Variants in ECT2L observed in about 807,000 individuals in gnomAD.
The protein encoded by ECT2L is epithelial cell-transforming sequence 2 oncogene-like.
ECT2L carries 126 observed loss-of-function variants against 122.8 expected under a neutral mutation model. The ratio of observed to expected loss-of-function variants is 1.03; its 90% CI spans 0.89 to 1.19. The LOEUF is 1.19. Ranked by LOEUF, ECT2L falls within the 50% of genes most tolerant of loss-of-function variation. ECT2L has a pLI of 0.00. For synonymous variants in ECT2L, 385 were observed against 381.8 expected (o/e 1.01, Z -0.10); for missense variants, 1,012 against 1,064.1 (o/e 0.95, Z 0.68).
chr6:138,857,249 TCAC>T (rs1178433887), intron 10 of ECT2L, among the ~76,000 whole-genome samples: 4 of 152,170 alleles, frequency 2.6e-5, no homozygotes, highest in African/African-American at 9.7e-5. Context: ...AAGCTTTCCC[TCAC>T]CACTTTTTAA....
chr6:138,884,268 T>C (rs1041553952), intron 16 of ECT2L, among the ~76,000 whole-genome samples: 2 of 152,200 alleles, frequency 1.3e-5, no homozygotes, highest in African/African-American at 4.8e-5. Flanking sequence ...TAAGTTAGCA[T>C]TGCTGACATC....
chr6:138,850,994 C>CAAAA (rs34453938), intron 9 of ECT2L, among the ~76,000 whole-genome samples: 57 of 57,766 alleles, frequency 9.9e-4, no homozygotes, highest in African/African-American at 2.2e-3. Context: ...AACTCCATCT[C>CAAAA]AAAAAAAAAA....
intron 20 of ECT2L, 25 bp from the exon 21 acceptor site, chr6:138,900,923 C>T (rs769616990): frequency 2.5e-6 from 4 of 1,607,266 alleles, no homozygotes; most frequent in Non-Finnish European, 3.4e-6. Flanking sequence ...TGTATTAAAA[C>T]TGTACCTTCT....
At chr6:138,895,035 G>GA (rs1184833730) in intron 20 of ECT2L, among the ~76,000 whole-genome samples, 3 of 152,058 alleles carry the variant, frequency 2.0e-5, no homozygotes, top group Non-Finnish European at 4.4e-5. Flanking sequence ...GAGGTGGGAG[G>GA]ATCACTTGAG....
intron 13 of ECT2L, among the ~76,000 whole-genome samples, chr6:138,873,872 C>CTA (rs772751027): frequency 2.8e-5 from 2 of 71,370 alleles, no homozygotes; most frequent in African/African-American, 1.5e-4. Flanking sequence ...AAATCCAGGA[C>CTA]TGTGTGTGTG....
Position 138,816,119 on chromosome 6 carries a change from C to T in ECT2L, c.179+1516C>T, listed in dbSNP as rs150431834. ...GTCATTGGCTATGTTTCTTTTTACTCCAACTTTGCAGCTTTCAAGATAAGA... is the reference window on the plus strand; with the variant it reads ...GTCATTGGCTATGTTTCTTTTTACTTCAACTTTGCAGCTTTCAAGATAAGA... On this transcript the variant is annotated intron_variant, in intron 4 of 21. Transcript: ENST00000541398. Among the ~76,000 whole-genome samples the T allele has an allele frequency of 2.1e-4, 32 of 152,298 alleles. No individual in the cohort carries two copies. In the East Asian group the frequency reaches 6.0e-3, roughly 28 times the overall value.
chr6:138,840,042 C>T (rs904451259), intron 5 of ECT2L, among the ~76,000 whole-genome samples: 1 of 152,118 alleles, frequency 6.6e-6, no homozygotes, highest in African/African-American at 2.4e-5. Flanking sequence ...TCGATTAACA[C>T]ACATTTTATA....
intron 4 of ECT2L, among the ~76,000 whole-genome samples, chr6:138,817,163 T>A (rs1301829454): frequency 6.6e-6 from 1 of 152,242 alleles, no homozygotes; most frequent in Non-Finnish European, 1.5e-5. Flanking sequence ...TATCCCATTG[T>A]ATGGATGTGC....
chr6:138,829,680 G>T (rs567116928), intron 4 of ECT2L, among the ~76,000 whole-genome samples: 1 of 152,064 alleles, frequency 6.6e-6, no homozygotes, highest in South Asian at 2.1e-4. Flanking sequence ...CTTAAGGTAT[G>T]CCACATTTAG....
intron 4 of ECT2L, among the ~76,000 whole-genome samples, chr6:138,819,122 C>T (rs1290628936): frequency 6.6e-6 from 1 of 151,842 alleles, no homozygotes; most frequent in Non-Finnish European, 1.5e-5. Context: ...TCCCCTTTGC[C>T]CAGTATTCTG....
rs1779440851 is a variant in ECT2L at position 138,902,577 on chromosome 6, C to G, written c.2665C>G (p.Leu889Val). Reference protein sequence around the residue: ...CATEIEDDKFLWLSVLRNAIK... With the variant: ...CATEIEDDKFVWLSVLRNAIK... The stretch of plus-strand genomic sequence containing the variant: ...TACAGAAATAGAGGATGATAAGTTC[C>G]TATGGCTGTCAGTACTTCGAAATGC... The change falls in exon 22 of 22, where the codon CTA (leucine) becomes GTA (valine). Residue 889 changes from leucine to valine, a missense_variant. Coordinates refer to ENST00000541398, the MANE Select transcript of ECT2L (RefSeq NM_001077706.3). 6.2e-7 allele frequency: 1 copy of G among 1,613,930 alleles called. No individual in the cohort carries two copies. Among genetic ancestry groups the G allele is most frequent in the Non-Finnish European group, 8.5e-7 (1 of 1,179,912 alleles).
In ECT2L at chr6:138,881,023, G is replaced by A. The variant is rs371124566; in HGVS notation, c.1732G>A (p.Glu578Lys). Residue 578 changes from glutamate to lysine, a missense_variant, in exon 15 of 22, where the codon GAG becomes AAG. Transcript: ENST00000541398. ...AGTTGTCAGAGAACTCTTACAGAGT[G>A]AGAGAAAATACGTGCAGATACTGGA... ...ARVVRELLQS[E>K]RKYVQILEIV... 14 of 1,614,030 alleles carry A rather than the reference G, an allele frequency of 8.7e-6. No homozygotes were observed. In the African/African-American group the frequency reaches 1.3e-4, roughly 15 times the overall value.
chr6:138,807,367 C>T (rs1331090722), intron 1 of ECT2L, among the ~76,000 whole-genome samples: 2 of 152,182 alleles, frequency 1.3e-5, no homozygotes, highest in Non-Finnish European at 2.9e-5. Context: ...AGGAGCCAAT[C>T]AGCACTTTCT....
chr6:138,799,743 G>C (rs1475559580), intron 1 of ECT2L, among the ~76,000 whole-genome samples: 2 of 152,152 alleles, frequency 1.3e-5, no homozygotes, highest in Non-Finnish European at 2.9e-5. Flanking sequence ...TACAGATGGG[G>C]CTTTGCCATA....
intron 4 of ECT2L, among the ~76,000 whole-genome samples, chr6:138,824,558 T>TAAAA (rs748380178): frequency 1.5e-5 from 2 of 131,760 alleles, no homozygotes; most frequent in African/African-American, 5.6e-5. Flanking sequence ...AAAAAAACTA[T>TAAAA]AAAAAAAAAC....
At chr6:138,846,434 G>C (rs374610067) in intron 7 of ECT2L, 105 bp from the exon 8 acceptor site, 4 of 1,095,844 alleles carry the variant, frequency 3.7e-6, no homozygotes, top group Non-Finnish European at 5.0e-6. Flanking sequence ...TGGAGGCCAC[G>C]TGCCTTGTAG....
intron 21 of ECT2L, 113 bp from the exon 22 acceptor site, chr6:138,902,384 TTTC>T (rs1416778120): frequency 2.2e-5 from 20 of 908,032 alleles, no homozygotes; most frequent in African/African-American, 1.7e-5. Flanking sequence ...TGAATATGTA[TTTC>T]TTTTTAGGTT....
chr6:138,884,646 A>T (rs781006577), intron 16 of ECT2L, among the ~76,000 whole-genome samples: 20 of 152,096 alleles, frequency 1.3e-4, no homozygotes, highest in South Asian at 4.1e-4. Context: ...TCAAAAAAAC[A>T]AAAAACAAAA....
chr6:138,863,438 A>G (rs1777909194), intron 11 of ECT2L, among the ~76,000 whole-genome samples: 1 of 152,220 alleles, frequency 6.6e-6, no homozygotes, highest in Non-Finnish European at 1.5e-5. Context: ...CTTTGTAGAT[A>G]TAACAAAAGT....
Sources: gnomAD v4.1 joint callset for allele counts (sites outside exome capture counted in the v4.1 genomes callset) on GRCh38, gnomAD v4.1.1 for gene constraint, MANE v1.5 for transcripts, NCBI Gene and HGNC (gene_info 2026-07-23, HGNC 2026-07-21) for gene names.